The following ANKRD13A variants were observed in gnomAD, a reference collection of about 807,000 sequenced individuals.
ANKRD13A encodes ankyrin repeat domain 13A.
A neutral mutation model predicts 81.3 loss-of-function variants in ANKRD13A; 48 were observed. The observed-to-expected ratio is 0.59, with a 90% CI of 0.47 to 0.75. ANKRD13A has a LOEUF of 0.75. Among genes scored for constraint, ANKRD13A ranks in the 30% least tolerant of loss-of-function variants. The pLI is 0.00. For missense variants in ANKRD13A, 612 were observed against 734.0 expected (o/e 0.83, Z 1.92); for synonymous variants, 230 against 270.1 (o/e 0.85, Z 1.45).
intron 3 of ANKRD13A, among the ~76,000 whole-genome samples, chr12:110,015,796 C>T (rs1890763757): frequency 6.6e-6 from 1 of 152,082 alleles, no homozygotes; most frequent in Non-Finnish European, 1.5e-5. Flanking sequence ...ATCCACCCGC[C>T]TCGGCCTCCC....
At chr12:110,004,051 G>A (rs530219320) in intron 1 of ANKRD13A, among the ~76,000 whole-genome samples, 1 of 152,160 alleles carries the variant, frequency 6.6e-6, no homozygotes, top group Non-Finnish European at 1.5e-5. Flanking sequence ...CCAGCTACTT[G>A]GGAGGCTGAG....
chr12:110,010,287 A>G (rs1890452412), intron 1 of ANKRD13A, among the ~76,000 whole-genome samples: 1 of 152,216 alleles, frequency 6.6e-6, no homozygotes, highest in Non-Finnish European at 1.5e-5. Flanking sequence ...GGCAGGTAGT[A>G]TGCTAAACCT....
chr12:110,031,409 T>TGGCAAAATCTCTGCTCACTGCAGC (rs1891683965), intron 12 of ANKRD13A, among the ~76,000 whole-genome samples: 3 of 151,986 alleles, frequency 2.0e-5, no homozygotes, highest in Non-Finnish European at 2.9e-5. Flanking sequence ...TGGCATGCAG[T>TGGCAAAATCTCTGCTCACTGCAGC]GGCACAATCT....
chr12:110,032,191 GT>G (rs1188888360), intron 12 of ANKRD13A: 1 of 151,980 alleles, frequency 6.6e-6, no homozygotes, highest in East Asian at 1.9e-4. Context: ...AGCTGTGTAG[GT>G]TTTTTATAAA....
In ANKRD13A at chr12:110,024,102, A is replaced by G. The variant is rs1003885246; in HGVS notation, c.791A>G (p.Tyr264Cys). Residue 264 changes from tyrosine to cysteine, a missense_variant, in exon 7 of 15, where the codon TAC becomes TGC. Coordinates refer to ENST00000261739, the MANE Select transcript of ANKRD13A (RefSeq NM_033121.2). ...GATAAAGCAGAAGTTGTTAATGGTTACGAAGCAAAGGTAAAAGGAAACTCT... is the reference window on the plus strand; with the variant it reads ...GATAAAGCAGAAGTTGTTAATGGTTGCGAAGCAAAGGTAAAAGGAAACTCT... Reference protein sequence around the residue: ...RTDKAEVVNGYEAKVYTVNNV... With the variant: ...RTDKAEVVNGCEAKVYTVNNV... 2.5e-6 allele frequency: 4 copies of G among 1,607,946 alleles called. No homozygotes were observed. The African/African-American group carries it at 5.4e-5, about 22-fold the overall frequency.
intron 2 of ANKRD13A, 86 bp from the exon 3 acceptor site, chr12:110,013,039 T>C: frequency 2.1e-6 from 3 of 1,455,406 alleles, no homozygotes; most frequent in Non-Finnish European, 1.9e-6. Context: ...AAGAAAATAC[T>C]GGTCTTTGAT....
At chr12:110,025,623 T>C (rs1486407497) in intron 7 of ANKRD13A, 119 bp from the exon 8 acceptor site, 1 of 726,768 alleles carries the variant, frequency 1.4e-6, no homozygotes, top group Non-Finnish European at 2.4e-6. Context: ...TAACCATTTC[T>C]CATTTTTATT....
At position 110,030,713 on chromosome 12, in the gene ANKRD13A, G is replaced by A. The variant is rs756796674; in HGVS notation, c.1303G>A (p.Glu435Lys). 19 of 1,609,222 alleles carry A rather than the reference G, an allele frequency of 1.2e-5. No individual in the cohort carries two copies. The highest frequency in any genetic ancestry group is 1.4e-5 in the Non-Finnish European group (17 of 1,177,420). Residue 435 changes from glutamate (E) to lysine (K), a missense_variant, in exon 12 of 15, where the codon GAA becomes AAA. Physicochemically the swap from Glu to Lys is moderately conservative, Grantham distance 56. Coordinates refer to ENST00000261739, the MANE Select transcript of ANKRD13A (RefSeq NM_033121.2). ...AAATGTTAATGGCTGTAGCACTGCC[G>A]AAGAATCTGTATCTCAAAATGTGGA... Reference protein sequence around the residue: ...FGNVNGCSTAEESVSQNVEGT... With the variant: ...FGNVNGCSTAKESVSQNVEGT...
chr12:110,035,092 C>T (rs1180730346), intron 13 of ANKRD13A, among the ~76,000 whole-genome samples: 1 of 152,192 alleles, frequency 6.6e-6, no homozygotes, highest in African/African-American at 2.4e-5. Context: ...CGAGCCAGAC[C>T]CCAAAGCAAG....
At position 110,037,472 on chromosome 12, in the gene ANKRD13A, A is replaced by G. The variant is rs1354426063; in HGVS notation, c.1691A>G (p.Glu564Gly). The G allele has an allele frequency of 5.6e-6, 9 of 1,614,064 alleles. No individual in the cohort carries two copies. The Admixed American group carries it at 1.3e-4, about 24-fold the overall frequency. ...CTAGCCATGGAGCTCTCTGCCAAAGAGCTGGAGGAATGGGAGCTCCGGCTC... is the reference window on the plus strand; with the variant it reads ...CTAGCCATGGAGCTCTCTGCCAAAGGGCTGGAGGAATGGGAGCTCCGGCTC... ...LQLAMELSAK[E>G]LEEWELRLQE... is the part of the protein sequence containing the mutation. Residue 564 changes from glutamate (E) to glycine (G), a missense_variant, in exon 15 of 15, where the codon GAG (glutamate) becomes GGG (glycine). Physicochemically the swap from Glu to Gly is moderately conservative, Grantham distance 98. Coordinates refer to ENST00000261739, the MANE Select transcript of ANKRD13A (RefSeq NM_033121.2).
At chr12:110,011,054 G>A (rs1890491768) in intron 1 of ANKRD13A, among the ~76,000 whole-genome samples, 1 of 151,858 alleles carries the variant, frequency 6.6e-6, no homozygotes, top group Non-Finnish European at 1.5e-5. Context: ...GCAGTAAGCT[G>A]TGATCACGCC....
intron 1 of ANKRD13A, among the ~76,000 whole-genome samples, chr12:110,006,665 C>G (rs1035650222): frequency 6.6e-6 from 1 of 150,956 alleles, no homozygotes; most frequent in Non-Finnish European, 1.5e-5. Flanking sequence ...GGTGTGATCT[C>G]GGCTTACCAC....
Position 110,019,347 on chromosome 12 carries a change from A to C in ANKRD13A, c.734+19A>C, listed in dbSNP as rs1890958369. The C allele has an allele frequency of 5.7e-6, 9 of 1,575,620 alleles. No individual in the cohort carries two copies. The East Asian group carries it at 2.0e-4, about 36-fold the overall frequency. On this transcript the variant is annotated intron_variant, in intron 6 of 14. Coordinates refer to ENST00000261739, the MANE Select transcript of ANKRD13A (RefSeq NM_033121.2). ...TTGAAAGGTACAAATTTAGACTCTA[A>C]ATTTTAATGTCTAATCCCCATGCTG... is the stretch of plus-strand genomic sequence containing the variant.
chr12:110,011,985 T>A lies in ANKRD13A; in HGVS notation c.97-20T>A. The A allele has an allele frequency of 6.3e-7, 1 of 1,580,478 alleles. No homozygotes were observed. Among genetic ancestry groups the A allele is most frequent in the South Asian group, 1.1e-5 (1 of 88,998 alleles). Reference sequence around the variant, plus strand: ...AATGTAATACATCCAATTATGTAAATGCCAGTGTTTCCTTCACAGAATGTG... The same window carrying A: ...AATGTAATACATCCAATTATGTAAAAGCCAGTGTTTCCTTCACAGAATGTG... On this transcript the variant is annotated intron_variant, in intron 1 of 14. Coordinates refer to ENST00000261739, the MANE Select transcript of ANKRD13A (RefSeq NM_033121.2).
rs569373387 is a variant in ANKRD13A, at chr12:110,038,666, T to C, written c.*1112T>C. 1 of 152,772 alleles carries C rather than the reference T, an allele frequency of 6.5e-6. No homozygotes were observed. The highest frequency in any genetic ancestry group is 2.4e-5 in the African/African-American group (1 of 41,590). The allele number at this position is 152,772 out of a possible 1,614,324, so 9.5% of individuals were successfully genotyped here. ...TATTTTTTAACAATCTTTTTATTAT[T>C]TGTAAAAGATATAAAAACAACTCCC... On this transcript the variant is annotated 3_prime_UTR_variant, in exon 15 of 15. Coordinates refer to ENST00000261739, the MANE Select transcript of ANKRD13A (RefSeq NM_033121.2).
chr12:110,038,035 T>A lies in ANKRD13A; in HGVS notation c.*481T>A, dbSNP rs182870754. 1 of 152,974 alleles carries A rather than the reference T, an allele frequency of 6.5e-6. No individual in the cohort carries two copies. Among genetic ancestry groups the A allele is most frequent in the Non-Finnish European group, 1.5e-5 (1 of 68,574 alleles). The allele number at this position is 152,974 out of a possible 1,614,324, so 9.5% of individuals were successfully genotyped here. ...CAAAGAAATGGGTAATCTGTGCTGA[T>A]CTCCTTATTTTTACCTTTTTACAGG... On this transcript the variant is annotated 3_prime_UTR_variant, in exon 15 of 15. Coordinates refer to ENST00000261739, the MANE Select transcript of ANKRD13A (RefSeq NM_033121.2).
At position 110,037,929 on chromosome 12, in the gene ANKRD13A, G is replaced by A. The variant is rs992546781; in HGVS notation, c.*375G>A. The A allele has an allele frequency of 1.2e-5, 2 of 166,502 alleles. No individual in the cohort carries two copies. The highest frequency in any genetic ancestry group is 4.8e-5 in the African/African-American group (2 of 41,804). The allele number at this position is 166,502 out of a possible 1,614,324, so 10.3% of individuals were successfully genotyped here. On this transcript the variant is annotated 3_prime_UTR_variant, in exon 15 of 15. Transcript: ENST00000261739. ...AACAAGACAAGTTATTGCAGAGTCA[G>A]GGTGCTTTTATATATAAGAGCAGCA...
intron 4 of ANKRD13A, 52 bp downstream of exon 4, chr12:110,016,485 C>A: frequency 1.4e-6 from 2 of 1,479,298 alleles, no homozygotes; most frequent in South Asian, 1.3e-5. Context: ...TTACTTAGCC[C>A]GCATGTAGGT....
intron 1 of ANKRD13A, among the ~76,000 whole-genome samples, chr12:110,004,267 G>T (rs1890131404): frequency 6.6e-6 from 1 of 152,128 alleles, no homozygotes; most frequent in Non-Finnish European, 1.5e-5. Flanking sequence ...ATTTTTATTT[G>T]GGTATAGCTC....
Sources: allele counts gnomAD v4.1 joint callset (sites outside exome capture counted in the v4.1 genomes callset), GRCh38; gene constraint gnomAD v4.1.1; transcripts MANE v1.5; gene names NCBI Gene and HGNC (gene_info 2026-07-23, HGNC 2026-07-21).